The following OSBPL1A variants were observed in gnomAD, a reference collection of about 807,000 sequenced individuals.
OSBPL1A encodes oxysterol-binding protein-related protein 1.
OSBPL1A carries 80 observed loss-of-function variants against 137.1 expected under a neutral mutation model. That is an observed-to-expected ratio of 0.58 (90% CI 0.49 to 0.70). The LOEUF is 0.70. Among genes scored for constraint, OSBPL1A ranks in the 30% least tolerant of loss-of-function variants. The pLI is 0.00. For missense variants in OSBPL1A, 970 were observed against 1,129.4 expected (o/e 0.86, Z 2.02); for synonymous variants, 365 against 389.7 (o/e 0.94, Z 0.75).
chr18:24,255,380 G>GC (rs1253759918), intron 15 of OSBPL1A, among the ~76,000 whole-genome samples: 2 of 152,094 alleles, frequency 1.3e-5, no homozygotes, highest in Admixed American at 6.5e-5. Flanking sequence ...AAATCTTGGG[G>GC]CCCCCAAATT....
chr18:24,332,830 A>G, intron 7 of OSBPL1A, 112 bp downstream of exon 7: 1 of 1,306,828 alleles, frequency 7.7e-7, no homozygotes, highest in Non-Finnish European at 1.1e-6. Flanking sequence ...AATTAAATAG[A>G]AACCATACAG....
intron 18 of OSBPL1A, among the ~76,000 whole-genome samples, chr18:24,191,626 T>C (rs2086894587): frequency 6.6e-6 from 1 of 152,252 alleles, no homozygotes; most frequent in South Asian, 2.1e-4. Flanking sequence ...AAACCTTTAG[T>C]ACTAAAGTCT....
At chr18:24,343,137 A>G (rs982836729) in intron 4 of OSBPL1A, among the ~76,000 whole-genome samples, 2 of 152,108 alleles carry the variant, frequency 1.3e-5, no homozygotes, top group Admixed American at 6.6e-5. Context: ...CACCTCAATA[A>G]TAAAAAGACA....
intron 18 of OSBPL1A, among the ~76,000 whole-genome samples, chr18:24,189,905 A>C (rs2086843373): frequency 1.3e-5 from 2 of 152,388 alleles, no homozygotes; most frequent in South Asian, 4.1e-4. Context: ...GGCAGAAAGG[A>C]AGGCGCCACG....
At chr18:24,193,711 C>A (rs566685372) in intron 18 of OSBPL1A, among the ~76,000 whole-genome samples, 1 of 152,238 alleles carries the variant, frequency 6.6e-6, no homozygotes, top group Admixed American at 6.5e-5. Flanking sequence ...CTCCTATGAA[C>A]CTCAGCAGAA....
chr18:24,368,395 T>C (rs1348194270), intron 2 of OSBPL1A, 23 bp from the exon 3 acceptor site: 5 of 1,540,200 alleles, frequency 3.2e-6, no homozygotes, highest in African/African-American at 1.4e-5. Flanking sequence ...AAATATAAGG[T>C]ATTTTTAGGT....
chr18:24,249,068 T>C (rs1157469812), intron 15 of OSBPL1A, among the ~76,000 whole-genome samples: 1 of 152,236 alleles, frequency 6.6e-6, no homozygotes, highest in African/African-American at 2.4e-5. Context: ...CTCTGGCATT[T>C]AAAATAATTT....
intron 6 of OSBPL1A, among the ~76,000 whole-genome samples, chr18:24,333,532 G>A (rs1475478936): frequency 1.3e-5 from 2 of 152,198 alleles, no homozygotes; most frequent in East Asian, 3.8e-4. Flanking sequence ...TATTGCTTTA[G>A]AAGCTTCTTT....
At chr18:24,245,022 A>C (rs956070278) in intron 15 of OSBPL1A, among the ~76,000 whole-genome samples, 1 of 152,214 alleles carries the variant, frequency 6.6e-6, no homozygotes, top group African/African-American at 2.4e-5. Context: ...CAACAGGATA[A>C]GCCTTACTCT....
At chr18:24,244,447 G>A (rs910529462) in intron 15 of OSBPL1A, among the ~76,000 whole-genome samples, 3 of 152,062 alleles carry the variant, frequency 2.0e-5, no homozygotes, top group Non-Finnish European at 4.4e-5. Context: ...TTTCAAATTC[G>A]CATATGGAAT....
intron 1 of OSBPL1A, among the ~76,000 whole-genome samples, chr18:24,392,791 A>G (rs1367141461): frequency 6.6e-6 from 1 of 152,124 alleles, no homozygotes; most frequent in Non-Finnish European, 1.5e-5. Context: ...CCTGGACTCA[A>G]GCAATCCTCC....
At chr18:24,175,952 TTTC>T (rs1246479901) in intron 21 of OSBPL1A, among the ~76,000 whole-genome samples, 1 of 152,232 alleles carries the variant, frequency 6.6e-6, no homozygotes, top group East Asian at 1.9e-4. Context: ...ACTGACCACA[TTTC>T]TGCGGGTCAA....
chr18:24,271,236 A>G lies in OSBPL1A; in HGVS notation c.1281+9606T>C, dbSNP rs777154997. 6.6e-6 allele frequency among the ~76,000 whole-genome samples: 1 copy of G among 152,218 alleles called. No individual in the cohort carries two copies. The highest frequency in any genetic ancestry group is 1.5e-5 in the Non-Finnish European group (1 of 68,042). ...TCTCAATGTCAGCCGGAGCACAGCC[A>G]TGCGAAAAATCACTAACTTGGAAGG... On this transcript the variant is annotated intron_variant, in intron 15 of 27. Coordinates refer to ENST00000319481, the MANE Select transcript of OSBPL1A (RefSeq NM_080597.4). The surrounding 1 kb of genome is among the most constrained non-coding windows in gnomAD (Gnocchi z 4.0).
chr18:24,273,561 T>C (rs1040752076), intron 15 of OSBPL1A, among the ~76,000 whole-genome samples: 2 of 152,226 alleles, frequency 1.3e-5, no homozygotes, highest in African/African-American at 2.4e-5. Context: ...GTAGCAGAGT[T>C]TAGATCCAGA....
chr18:24,250,170 G>GTT (rs1567975444), intron 15 of OSBPL1A, among the ~76,000 whole-genome samples: 1 of 51,144 alleles, frequency 2.0e-5, no homozygotes, highest in Non-Finnish European at 4.3e-5. Flanking sequence ...TTGTTTGTTT[G>GTT]TTTGTTTGTT....
chr18:24,358,820 C>A (rs971113548), intron 4 of OSBPL1A, among the ~76,000 whole-genome samples: 6 of 152,188 alleles, frequency 3.9e-5, no homozygotes, highest in Non-Finnish European at 7.3e-5. Context: ...AGCTCACTCA[C>A]TGTAGCCTCA....
At position 24,388,153 on chromosome 18, in the gene OSBPL1A, C is replaced by T. The variant is rs13381858; in HGVS notation, c.-3+9502G>A. On this transcript the variant is annotated intron_variant, in intron 1 of 27. Coordinates refer to ENST00000319481, the MANE Select transcript of OSBPL1A (RefSeq NM_080597.4). The stretch of plus-strand genomic sequence containing the variant: ...TCTCCATCTCCAATATCACCTAGAG[C>T]TCCTTGATAAGTCCTCATGGCAACC... Among the ~76,000 whole-genome samples, 1,397 of 152,286 alleles carry T rather than the reference C, an allele frequency of 9.2e-3. 17 individuals are homozygous for T. Among genetic ancestry groups the T allele is most frequent in the African/African-American group, 0.032 (1,349 of 41,552 alleles).
intron 5 of OSBPL1A, among the ~76,000 whole-genome samples, chr18:24,340,696 C>A (rs1223061569): frequency 1.3e-5 from 2 of 152,100 alleles, no homozygotes; most frequent in East Asian, 3.9e-4. Context: ...ATCCCAGTTA[C>A]TTGGGAGGCT....
Position 24,341,618 on chromosome 18 carries a change from G to T in OSBPL1A, c.323C>A (p.Thr108Asn). Reference sequence around the variant, plus strand: ...TGTCTGTCCACTCCCATTAACAATAGTAGTATCAGCATTATATTCTAAGAG... The same window carrying T: ...TGTCTGTCCACTCCCATTAACAATATTAGTATCAGCATTATATTCTAAGAG... ...MLLLEYNADT[T>N]IVNGSGQTAK... The change falls in exon 5 of 28, where the codon ACT becomes AAT. Residue 108 changes from threonine (T) to asparagine (N), a missense_variant. Physicochemically the swap from Thr to Asn is moderately conservative, Grantham distance 65. Around this residue, in one of 2 missense-constraint regions of OSBPL1A, gnomAD observed 647 missense variants for 672.6 expected, o/e 0.96. Coordinates refer to ENST00000319481, the MANE Select transcript of OSBPL1A (RefSeq NM_080597.4). The T allele has an allele frequency of 1.9e-6, 3 of 1,612,558 alleles. No individual in the cohort carries two copies. Among genetic ancestry groups the T allele is most frequent in the Non-Finnish European group, 2.5e-6 (3 of 1,179,222 alleles).
Sources: allele counts gnomAD v4.1 joint callset (sites outside exome capture counted in the v4.1 genomes callset), GRCh38; gene constraint gnomAD v4.1.1; regional missense constraint gnomAD v4.1.1; non-coding constraint Gnocchi (gnomAD v3.1); transcripts MANE v1.5; gene names NCBI Gene and HGNC (gene_info 2026-07-23, HGNC 2026-07-21).